The following RAB23 variants were observed in gnomAD, a reference collection of about 807,000 sequenced individuals.
RAB23 encodes ras-related protein Rab-23.
Under a neutral mutation model 30.0 loss-of-function variants are expected in RAB23, and 15 were observed. That is an observed-to-expected ratio of 0.50 (90% CI 0.33 to 0.77). The LOEUF is 0.77. Among genes scored for constraint, RAB23 ranks in the 30% least tolerant of loss-of-function variants. The pLI, the probability that RAB23 is intolerant of heterozygous loss-of-function variation, is 0.02. For synonymous variants in RAB23, 93 were observed against 94.0 expected (o/e 0.99, Z 0.06); for missense variants, 243 against 275.4 (o/e 0.88, Z 0.83).
At chr6:57,199,257 G>T (rs541010681) in intron 3 of RAB23, among the ~76,000 whole-genome samples, 1 of 152,196 alleles carries the variant, frequency 6.6e-6, no homozygotes, top group Admixed American at 6.5e-5. Context: ...TGGGTGGCGG[G>T]GGGGTGGAAT....
intron 1 of RAB23, among the ~76,000 whole-genome samples, chr6:57,216,644 A>G (rs1356925491): frequency 2.6e-5 from 4 of 152,168 alleles, no homozygotes; most frequent in African/African-American, 9.7e-5. Flanking sequence ...TAAAGGAATA[A>G]AAGAGTGGCT....
intron 2 of RAB23, among the ~76,000 whole-genome samples, chr6:57,208,422 G>A (rs555996052): frequency 9.9e-5 from 15 of 152,048 alleles, no homozygotes; most frequent in Middle Eastern, 3.4e-3. Flanking sequence ...CAAAGTGGGC[G>A]GATCACTTGA....
At chr6:57,190,637 C>CA (rs752241146) in intron 6 of RAB23, 37 bp from the exon 7 acceptor site, 2 of 1,609,580 alleles carry the variant, frequency 1.2e-6, no homozygotes, top group East Asian at 2.2e-5. Context: ...TTGCCACTGA[C>CA]ACGCCTGAGT....
chr6:57,213,009 A>G (rs2128005590), intron 1 of RAB23, among the ~76,000 whole-genome samples: 1 of 152,224 alleles, frequency 6.6e-6, no homozygotes, highest in South Asian at 2.1e-4. Context: ...CTTTGGTGGA[A>G]GACAACATCC....
intron 3 of RAB23, among the ~76,000 whole-genome samples, chr6:57,206,580 TA>T (rs1562656152): frequency 6.6e-6 from 1 of 151,982 alleles, no homozygotes; most frequent in African/African-American, 2.4e-5. Context: ...TAGTGGTGGG[TA>T]AAAGTCTCAT....
chr6:57,214,316 GTTTC>G (rs1336502600), intron 1 of RAB23, among the ~76,000 whole-genome samples: 3 of 152,108 alleles, frequency 2.0e-5, no homozygotes, highest in Non-Finnish European at 2.9e-5. Flanking sequence ...CCCATTCTCA[GTTTC>G]TTTCTTTTTT....
chr6:57,201,198 C>T (rs185483411), intron 3 of RAB23, among the ~76,000 whole-genome samples: 10 of 152,036 alleles, frequency 6.6e-5, no homozygotes, highest in Admixed American at 2.6e-4. Flanking sequence ...ATTCTCCTGC[C>T]TCAGCCTGAG....
At chr6:57,218,906 AG>A in intron 1 of RAB23, among the ~76,000 whole-genome samples, 1 of 152,272 alleles carries the variant, frequency 6.6e-6, no homozygotes. Flanking sequence ...CAATTCTGGA[AG>A]ACAGACTGCT....
intron 2 of RAB23, among the ~76,000 whole-genome samples, chr6:57,208,652 G>T (rs1183450780): frequency 6.9e-6 from 1 of 144,068 alleles, no homozygotes; most frequent in Non-Finnish European, 1.5e-5. Flanking sequence ...AAAAAAAAGC[G>T]ATTTACCTCC....
At chr6:57,193,707 A>T in intron 6 of RAB23, 135 bp downstream of exon 6, 1 of 1,246,150 alleles carries the variant, frequency 8.0e-7, no homozygotes, top group South Asian at 1.5e-5. Flanking sequence ...TTTTAACAAG[A>T]GACCTGATAC....
intron 3 of RAB23, among the ~76,000 whole-genome samples, chr6:57,199,966 A>T (rs1342139098): frequency 6.6e-6 from 1 of 152,166 alleles, no homozygotes; most frequent in Non-Finnish European, 1.5e-5. Context: ...GTTTGGAAAA[A>T]TCCTAATGAC....
chr6:57,216,714 T>A (rs911010090), intron 1 of RAB23, among the ~76,000 whole-genome samples: 6 of 152,106 alleles, frequency 3.9e-5, no homozygotes, highest in African/African-American at 1.4e-4. Context: ...GTTTTTTTTT[T>A]ATTATATGCT....
At position 57,189,647 on chromosome 6, in the gene RAB23, C is replaced by G. The variant is rs1412607946; in HGVS notation, c.*814G>C. ...TCAAATTCCTATACTCCTCTTTTAT[C>G]TACGCTGTCAGATGAAAACTGCTTA... On this transcript the variant is annotated 3_prime_UTR_variant, in exon 7 of 7. Coordinates refer to ENST00000468148, the MANE Select transcript of RAB23 (RefSeq NM_016277.5). 1.3e-5 allele frequency: 2 copies of G among 152,570 alleles called. No individual in the cohort carries two copies. Among genetic ancestry groups the G allele is most frequent in the Non-Finnish European group, 1.5e-5 (1 of 68,024 alleles). The allele number at this position is 152,570 out of a possible 1,614,324, so 9.5% of individuals were successfully genotyped here.
intron 1 of RAB23, among the ~76,000 whole-genome samples, chr6:57,215,441 G>A (rs1765803828): frequency 6.6e-6 from 1 of 152,196 alleles, no homozygotes; most frequent in Non-Finnish European, 1.5e-5. Context: ...TAATTTGAAC[G>A]ACAGTGAATT....
At chr6:57,216,504 A>G (rs1287833772) in intron 1 of RAB23, among the ~76,000 whole-genome samples, 4 of 152,196 alleles carry the variant, frequency 2.6e-5, no homozygotes, top group Admixed American at 2.6e-4. Context: ...TAAAACAAAC[A>G]TCAACATGTC....
chr6:57,202,234 C>T (rs778327923), intron 3 of RAB23, among the ~76,000 whole-genome samples: 1 of 152,152 alleles, frequency 6.6e-6, no homozygotes, highest in African/African-American at 2.4e-5. Context: ...TATTTAATTT[C>T]ATCACTATCT....
intron 1 of RAB23, among the ~76,000 whole-genome samples, chr6:57,214,931 G>T (rs1003024667): frequency 1.3e-5 from 2 of 152,084 alleles, no homozygotes; most frequent in Non-Finnish European, 2.9e-5. Context: ...AGCAATTATG[G>T]ATATACTTAA....
intron 4 of RAB23, 110 bp from the exon 5 acceptor site, chr6:57,194,962 G>C: frequency 1.3e-6 from 1 of 784,524 alleles, no homozygotes; most frequent in East Asian, 2.7e-5. Flanking sequence ...GGAAGGGAGG[G>C]AAGGTGGATC....
intron 3 of RAB23, among the ~76,000 whole-genome samples, chr6:57,204,933 T>C (rs1055125358): frequency 2.0e-5 from 3 of 151,900 alleles, no homozygotes; most frequent in Admixed American, 2.0e-4. Context: ...AGTGAAATCA[T>C]TTATATTTAT....
Sources: gnomAD v4.1 joint callset for allele counts (sites outside exome capture counted in the v4.1 genomes callset) on GRCh38, gnomAD v4.1.1 for gene constraint, MANE v1.5 for transcripts, NCBI Gene and HGNC (gene_info 2026-07-23, HGNC 2026-07-21) for gene names.